Variants in PLCB1 observed in about 807,000 individuals in gnomAD.
PLCB1 encodes phospholipase C beta 1, also known as 1-phosphatidylinositol 4,5-bisphosphate phosphodiesterase beta-1.
A neutral mutation model predicts 161.8 loss-of-function variants in PLCB1; 46 were observed. The observed-to-expected ratio is 0.28, with a 90% CI of 0.22 to 0.36. PLCB1 has a LOEUF of 0.36. PLCB1 is among the 10% of genes least tolerant of loss of function. The probability of loss-of-function intolerance (pLI) is 1.00; values close to 1 mark genes in which losing one functional copy is unlikely to be tolerated. For synonymous variants in PLCB1, 517 were observed against 503.7 expected (o/e 1.03, Z -0.35); for missense variants, 1,016 against 1,472.5 (o/e 0.69, Z 5.07).
At chr20:8,203,115 G>A (rs942933358) in intron 2 of PLCB1, among the ~76,000 whole-genome samples, 8 of 145,210 alleles carry the variant, frequency 5.5e-5, no homozygotes, top group East Asian at 4.0e-4. Flanking sequence ...ACACACACAC[G>A]TACACACACA....
At chr20:8,706,597 A>G (rs1472024900) in intron 11 of PLCB1, among the ~76,000 whole-genome samples, 2 of 152,128 alleles carry the variant, frequency 1.3e-5, no homozygotes, top group African/African-American at 4.8e-5. Context: ...TTTTTTCCAC[A>G]CTTAGCATCC....
intron 2 of PLCB1, among the ~76,000 whole-genome samples, chr20:8,292,895 C>G (rs1349693233): frequency 1.3e-5 from 2 of 152,126 alleles, no homozygotes; most frequent in Non-Finnish European, 2.9e-5. Flanking sequence ...GTTTTTAAAT[C>G]TGTTACCACT....
rs74818160 is a variant in PLCB1, at chr20:8,550,974, A to G, written c.247-77320A>G. On this transcript the variant is annotated intron_variant, in intron 3 of 31. Coordinates refer to ENST00000338037, the MANE Select transcript of PLCB1 (RefSeq NM_015192.4). ...CACCAATTTAGATTCTATAACAGGA[A>G]TGACAGGCATTAAGACATTGTATCC... Among the ~76,000 whole-genome samples the G allele has an allele frequency of 6.1e-3, 922 of 152,172 alleles. 10 individuals carry two copies. Among genetic ancestry groups the G allele is most frequent in the African/African-American group, 0.02 (832 of 41,564 alleles).
At chr20:8,663,197 C>A (rs1007263679) in intron 9 of PLCB1, among the ~76,000 whole-genome samples, 1 of 151,474 alleles carries the variant, frequency 6.6e-6, no homozygotes, top group African/African-American at 2.4e-5. Context: ...CATATATATA[C>A]ACACAACATA....
chr20:8,210,687 A>C (rs1978775928), intron 2 of PLCB1, among the ~76,000 whole-genome samples: 1 of 152,110 alleles, frequency 6.6e-6, no homozygotes, highest in Non-Finnish European at 1.5e-5. Flanking sequence ...ATGGGTATTC[A>C]ATCCTTGGAG....
At chr20:8,832,374 TTAAAC>T (rs1986055623) in intron 31 of PLCB1, among the ~76,000 whole-genome samples, 3 of 152,312 alleles carry the variant, frequency 2.0e-5, no homozygotes, top group African/African-American at 7.2e-5. Flanking sequence ...TTATAATACT[TTAAAC>T]TAATTAAATT....
At chr20:8,692,596 T>A (rs1386329830) in intron 10 of PLCB1, among the ~76,000 whole-genome samples, 2 of 152,192 alleles carry the variant, frequency 1.3e-5, no homozygotes, top group African/African-American at 4.8e-5. Context: ...ATTTAAGCAG[T>A]GTATTCCCTC....
chr20:8,739,382 A>C lies in PLCB1; in HGVS notation c.2308+22A>C, dbSNP rs373393838. On this transcript the variant is annotated intron_variant, in intron 21 of 31. Coordinates refer to ENST00000338037, the MANE Select transcript of PLCB1 (RefSeq NM_015192.4). ...CCAGGTATGGGTAGTGTGCTGAGAA[A>C]CCTTTTATCAAAGTTGCAAAGAAAA... 16 of 1,452,960 alleles carry C rather than the reference A, an allele frequency of 1.1e-5. No individual in the cohort carries two copies. In the East Asian group the frequency reaches 2.3e-4, roughly 21 times the overall value. The allele number at this position is 1,452,960 out of a possible 1,614,324, so 90.0% of individuals were successfully genotyped here.
At chr20:8,483,722 A>T (rs1234551915) in intron 3 of PLCB1, among the ~76,000 whole-genome samples, 1 of 151,998 alleles carries the variant, frequency 6.6e-6, no homozygotes, top group Non-Finnish European at 1.5e-5. Flanking sequence ...CTTCTAGATT[A>T]AAAAAAATGT....
chr20:8,629,827 T>C (rs1568535884), intron 4 of PLCB1, among the ~76,000 whole-genome samples: 2 of 69,736 alleles, frequency 2.9e-5, no homozygotes. Flanking sequence ...TTTTCTTTCT[T>C]TCTTTCTTTC....
chr20:8,503,805 A>C (rs1007099080), intron 3 of PLCB1, among the ~76,000 whole-genome samples: 2 of 152,130 alleles, frequency 1.3e-5, no homozygotes, highest in African/African-American at 4.8e-5. Flanking sequence ...TATATTTCTC[A>C]TGTCAATATT....
chr20:8,697,852 A>G, intron 11 of PLCB1, 69 bp downstream of exon 11: 2 of 1,401,114 alleles, frequency 1.4e-6, no homozygotes, highest in South Asian at 2.6e-5. Context: ...AAAGCCTCCT[A>G]AGGTAGAAAG....
intron 9 of PLCB1, among the ~76,000 whole-genome samples, chr20:8,667,967 C>T (rs1412113923): frequency 2.0e-5 from 3 of 151,924 alleles, no homozygotes; most frequent in Non-Finnish European, 4.4e-5. Flanking sequence ...GGTTGCAGTG[C>T]GTGTGGGGTG....
At chr20:8,506,942 C>T (rs1425353133) in intron 3 of PLCB1, among the ~76,000 whole-genome samples, 1 of 152,138 alleles carries the variant, frequency 6.6e-6, no homozygotes, top group South Asian at 2.1e-4. Context: ...TGACTCTTTA[C>T]ATAGTCAAAA....
chr20:8,239,629 G>A (rs1980504007), intron 2 of PLCB1, among the ~76,000 whole-genome samples: 1 of 151,700 alleles, frequency 6.6e-6, no homozygotes, highest in African/African-American at 2.4e-5. Flanking sequence ...TCATGTAGCT[G>A]TGAGATAAAT....
chr20:8,587,860 C>T (rs1987036998), intron 3 of PLCB1, among the ~76,000 whole-genome samples: 1 of 152,120 alleles, frequency 6.6e-6, no homozygotes, highest in Non-Finnish European at 1.5e-5. Flanking sequence ...GTAAACATTT[C>T]TGAATGTTCT....
intron 3 of PLCB1, among the ~76,000 whole-genome samples, chr20:8,452,619 T>C (rs117260117): frequency 1.3e-5 from 2 of 152,318 alleles, no homozygotes; most frequent in East Asian, 1.9e-4. Context: ...TGTGCTAGAA[T>C]AGAGCCAGGT....
At chr20:8,472,891 G>A (rs913911131) in intron 3 of PLCB1, among the ~76,000 whole-genome samples, 1 of 152,098 alleles carries the variant, frequency 6.6e-6, no homozygotes, top group Non-Finnish European at 1.5e-5. Context: ...TTACATTGTT[G>A]TTTACAAAAT....
At chr20:8,524,025 A>G (rs1175816945) in intron 3 of PLCB1, among the ~76,000 whole-genome samples, 1 of 152,196 alleles carries the variant, frequency 6.6e-6, no homozygotes, top group Non-Finnish European at 1.5e-5. Flanking sequence ...TCCAACAATC[A>G]TTTCAAAATT....
Sources: gnomAD v4.1 joint callset for allele counts (sites outside exome capture counted in the v4.1 genomes callset) on GRCh38, gnomAD v4.1.1 for gene constraint, MANE v1.5 for transcripts, NCBI Gene and HGNC (gene_info 2026-07-23, HGNC 2026-07-21) for gene names.